ANO2: variants seen among roughly 807,000 people sequenced by gnomAD.
ANO2 encodes the protein anoctamin-2.
In ANO2, 101 loss-of-function variants were observed where a neutral mutation model predicts 124.2. The observed-to-expected ratio is 0.81, with a 90% CI of 0.69 to 0.96. ANO2 has a LOEUF of 0.96. ANO2 is among the 40% of genes least tolerant of loss of function. The pLI, the probability that ANO2 is intolerant of heterozygous loss-of-function variation, is 0.00. For missense variants in ANO2, 1,293 were observed against 1,274.5 expected (o/e 1.01, Z -0.22); for synonymous variants, 486 against 482.5 (o/e 1.01, Z -0.09).
chr12:5,791,184 T>G (rs997585614), intron 10 of ANO2, among the ~76,000 whole-genome samples: 1 of 152,028 alleles, frequency 6.6e-6, no homozygotes, highest in Non-Finnish European at 1.5e-5. Flanking sequence ...GGGTGTCTGG[T>G]TGCCGAAGCT....
intron 15 of ANO2, 54 bp downstream of exon 15, chr12:5,647,673 T>C: frequency 7.5e-7 from 1 of 1,331,152 alleles, no homozygotes; most frequent in Non-Finnish European, 1.1e-6. Flanking sequence ...AGTAGTCACA[T>C]AACAGCATCT....
In ANO2 at chr12:5,738,935, C is replaced by T. The variant is rs566025236; in HGVS notation, c.1434+382G>A. On this transcript the variant is annotated intron_variant, in intron 13 of 24. Coordinates refer to ENST00000682330, the MANE Select transcript of ANO2 (RefSeq NM_001364791.2). The stretch of plus-strand genomic sequence containing the variant: ...AGACAACCAGCACCTGACACCCTGC[C>T]TCTCCTTTGGCCCTCAGGAGGCCCC... Among the ~76,000 whole-genome samples, 5 of 152,276 alleles carry T rather than the reference C, an allele frequency of 3.3e-5. No homozygotes were observed. The South Asian group carries it at 1.0e-3, about 32-fold the overall frequency.
chr12:5,563,481 T>C lies in ANO2; in HGVS notation c.2815A>G (p.Ser939Gly). The change falls in exon 25 of 25, where the codon AGC becomes GGC. Residue 939 changes from serine to glycine, a missense_variant. Transcript: ENST00000682330. Reference protein sequence around the residue: ...DISDQIKKEKSLLVDFFLKEE... With the variant: ...DISDQIKKEKGLLVDFFLKEE... ...TTCAGGAAGAAATCCACTAATAAGC[T>C]CTTCTCTTTCTTGATCTGGTCGCTG... 1.2e-6 allele frequency: 2 copies of C among 1,613,946 alleles called. No homozygotes were observed. The highest frequency in any genetic ancestry group is 2.2e-5 in the East Asian group (1 of 44,870).
At position 5,900,094 on chromosome 12, in the gene ANO2, G is replaced by A. The variant is rs143736583; in HGVS notation, c.534+20946C>T. Among the ~76,000 whole-genome samples the A allele has an allele frequency of 8.5e-5, 13 of 152,268 alleles. No individual in the cohort carries two copies. The highest frequency in any genetic ancestry group is 5.8e-4 in the East Asian group (3 of 5,188). On this transcript the variant is annotated intron_variant, in intron 3 of 24. Coordinates refer to ENST00000682330, the MANE Select transcript of ANO2 (RefSeq NM_001364791.2). The surrounding 1 kb of genome is among the most constrained non-coding windows in gnomAD (Gnocchi z 4.2). Reference sequence around the variant, plus strand: ...AAGGGGGACAGGATGCATGAGTTCCGTTTTTCAGCAGTTCCCCTGTCACCC... The same window carrying A: ...AAGGGGGACAGGATGCATGAGTTCCATTTTTCAGCAGTTCCCCTGTCACCC...
Position 5,631,657 on chromosome 12 carries a change from G to A in ANO2, c.1816+3495C>T, listed in dbSNP as rs141188802. On this transcript the variant is annotated intron_variant, in intron 16 of 24. Transcript: ENST00000682330. ...GAGGATGACCACTGACAGCCGAGAG[G>A]CCAGAAGAGGATTTACAAAGGAGAA... 2.0e-3 allele frequency among the ~76,000 whole-genome samples: 298 copies of A among 152,308 alleles called. 2 individuals are homozygous for A. The highest frequency in any genetic ancestry group is 6.8e-3 in the African/African-American group (283 of 41,562).
intron 3 of ANO2, among the ~76,000 whole-genome samples, chr12:5,911,657 G>A (rs1941057284): frequency 6.6e-6 from 1 of 152,166 alleles, no homozygotes; most frequent in African/African-American, 2.4e-5. Context: ...AGTCAGATAG[G>A]GAGATAATAA....
At chr12:5,829,084 C>G (rs911112677) in intron 6 of ANO2, among the ~76,000 whole-genome samples, 1 of 152,214 alleles carries the variant, frequency 6.6e-6, no homozygotes, top group Non-Finnish European at 1.5e-5. Context: ...CATATTCCAG[C>G]CACAGCCTAA....
In ANO2 at chr12:5,908,529, G is replaced by A. The variant is rs1444857387; in HGVS notation, c.534+12511C>T. ...CACAGTGGAGTGGTTTGCAGTAGCC[G>A]AGACTCCCAACCCAGTGATGCTCAA... On this transcript the variant is annotated intron_variant, in intron 3 of 24. Coordinates refer to ENST00000682330, the MANE Select transcript of ANO2 (RefSeq NM_001364791.2). The surrounding 1 kb of genome is among the most constrained non-coding windows in gnomAD (Gnocchi z 4.7). 2.6e-5 allele frequency among the ~76,000 whole-genome samples: 4 copies of A among 152,168 alleles called. No individual in the cohort carries two copies. Among genetic ancestry groups the A allele is most frequent in the African/African-American group, 7.2e-5 (3 of 41,436 alleles).
chr12:5,912,533 T>C (rs1435700073), intron 3 of ANO2, among the ~76,000 whole-genome samples: 2 of 152,146 alleles, frequency 1.3e-5, no homozygotes, highest in African/African-American at 4.8e-5. Flanking sequence ...TGTACCTGGA[T>C]TTGGGGGCTT....
At chr12:5,852,247 T>C (rs537132108) in intron 4 of ANO2, among the ~76,000 whole-genome samples, 15 of 152,210 alleles carry the variant, frequency 9.9e-5, no homozygotes, top group South Asian at 2.1e-4. Context: ...CACCCGCATT[T>C]GAGGGCTGCG....
intron 14 of ANO2, among the ~76,000 whole-genome samples, chr12:5,678,260 CTTGAT>C (rs1754297446): frequency 6.6e-6 from 1 of 152,146 alleles, no homozygotes; most frequent in South Asian, 2.1e-4. Context: ...GCTGCATACG[CTTGAT>C]GGCTATATCT....
intron 14 of ANO2, among the ~76,000 whole-genome samples, chr12:5,724,280 T>C (rs1950346738): frequency 6.6e-6 from 1 of 152,156 alleles, no homozygotes; most frequent in African/African-American, 2.4e-5. Context: ...GAGGCTGCGA[T>C]AATTATTTTG....
intron 10 of ANO2, among the ~76,000 whole-genome samples, chr12:5,782,156 T>C (rs1952418905): frequency 6.6e-6 from 1 of 152,222 alleles, no homozygotes; most frequent in African/African-American, 2.4e-5. Flanking sequence ...GATTTTTATG[T>C]CTTCTTAATG....
rs184192903 is a variant in ANO2, at chr12:5,680,002, T to C, written c.1546-32201A>G. On this transcript the variant is annotated intron_variant, in intron 14 of 24. Transcript: ENST00000682330. ...GTCCTTTGCATGGACATGGATGGAGTTGGAAGCCATTATTCTCGGCAAACT... is the reference window on the plus strand; with the variant it reads ...GTCCTTTGCATGGACATGGATGGAGCTGGAAGCCATTATTCTCGGCAAACT... Among the ~76,000 whole-genome samples the C allele has an allele frequency of 2.3e-3, 346 of 151,970 alleles. 1 individual carries two copies. Among genetic ancestry groups the C allele is most frequent in the Non-Finnish European group, 3.5e-3 (239 of 67,942 alleles).
At chr12:5,772,154 CA>C (rs555162296) in intron 10 of ANO2, among the ~76,000 whole-genome samples, 5 of 147,786 alleles carry the variant, frequency 3.4e-5, no homozygotes, top group Non-Finnish European at 6.0e-5. Flanking sequence ...TAATGCAGAG[CA>C]AAAAAAAATG....
At chr12:5,681,020 G>A (rs1298348425) in intron 14 of ANO2, among the ~76,000 whole-genome samples, 1 of 152,166 alleles carries the variant, frequency 6.6e-6, no homozygotes, top group Non-Finnish European at 1.5e-5. Context: ...AGGGGAACAT[G>A]GGTACTAGTT....
rs367647989 is a variant in ANO2, at chr12:5,612,922, G to T, written c.1965C>A (p.Phe655Leu). Residue 655 changes from phenylalanine (F) to leucine (L), a missense_variant, in exon 18 of 25, where the codon TTC (phenylalanine) becomes TTA (leucine). Coordinates refer to ENST00000682330, the MANE Select transcript of ANO2 (RefSeq NM_001364791.2). ...VGRPGSYVYV[F>L]DGYRMEECAP... ...TTGCCTCTTCCATGCGGTAACCATC[G>T]AATACATAGACGTAGCTTCCAGGCC... 1.2e-6 allele frequency: 2 copies of T among 1,613,870 alleles called. No individual in the cohort carries two copies. Among genetic ancestry groups the T allele is most frequent in the Non-Finnish European group, 1.7e-6 (2 of 1,179,848 alleles).
intron 10 of ANO2, among the ~76,000 whole-genome samples, chr12:5,786,353 A>G (rs1323397889): frequency 1.3e-5 from 2 of 152,162 alleles, no homozygotes; most frequent in Admixed American, 1.3e-4. Context: ...CTCTGACCCC[A>G]CACATCCTTC....
intron 3 of ANO2, chr12:5,858,607 T>C (rs1450416912): frequency 6.6e-6 from 1 of 152,234 alleles, no homozygotes; most frequent in East Asian, 1.9e-4. Flanking sequence ...CAAATGAGCC[T>C]CACCTTCTTT....
Sources: gnomAD v4.1 joint callset for allele counts (sites outside exome capture counted in the v4.1 genomes callset) on GRCh38, gnomAD v4.1.1 for gene constraint, Gnocchi (gnomAD v3.1) non-coding constraint, MANE v1.5 for transcripts, NCBI Gene and HGNC (gene_info 2026-07-23, HGNC 2026-07-21) for gene names.